DYNC1LI1: variants seen among roughly 807,000 people sequenced by gnomAD.
DYNC1LI1 encodes cytoplasmic dynein 1 light intermediate chain 1.
In DYNC1LI1, 19 loss-of-function variants were observed where a neutral mutation model predicts 63.8. The ratio of observed to expected loss-of-function variants is 0.30; its 90% confidence interval spans 0.21 to 0.44. DYNC1LI1 has a LOEUF of 0.44. Among genes scored for constraint, DYNC1LI1 ranks in the 20% least tolerant of loss-of-function variants. The pLI is 1.00. For synonymous variants in DYNC1LI1, 225 were observed against 232.3 expected (o/e 0.97, Z 0.28); for missense variants, 565 against 630.2 (o/e 0.90, Z 1.11).
At chr3:32,559,535 G>A (rs369317999) in intron 2 of DYNC1LI1, among the ~76,000 whole-genome samples, 11 of 152,100 alleles carry the variant, frequency 7.2e-5, no homozygotes, top group East Asian at 5.8e-4. Context: ...CACCATGCCC[G>A]GCCCAACTCC....
At chr3:32,563,522 CTT>C (rs1035357515) in intron 2 of DYNC1LI1, among the ~76,000 whole-genome samples, 4 of 152,104 alleles carry the variant, frequency 2.6e-5, no homozygotes, top group African/African-American at 9.7e-5. Context: ...GAACTCATGA[CTT>C]GAAGTAATCT....
At chr3:32,545,330 C>T in intron 3 of DYNC1LI1, 1 of 559,962 alleles carries the variant, frequency 1.8e-6, no homozygotes, top group Non-Finnish European at 3.2e-6. Flanking sequence ...TATCTAAAGG[C>T]CTAAAATGAC....
chr3:32,550,115 T>C (rs1356723213), intron 2 of DYNC1LI1, among the ~76,000 whole-genome samples: 10 of 152,174 alleles, frequency 6.6e-5, no homozygotes, highest in Admixed American at 2.6e-4. Context: ...CAGAACAGAT[T>C]TTGAGCCTGA....
chr3:32,545,351 C>T (rs926617421), intron 3 of DYNC1LI1: 25 of 526,950 alleles, frequency 4.7e-5, no homozygotes, highest in Admixed American at 1.4e-4. Flanking sequence ...TTAACTGTAG[C>T]ATCCTCTACT....
At chr3:32,560,657 T>C (rs148885029) in intron 2 of DYNC1LI1, among the ~76,000 whole-genome samples, 17 of 151,992 alleles carry the variant, frequency 1.1e-4, no homozygotes, top group African/African-American at 4.1e-4. Context: ...AAACAGAACT[T>C]ATCCTTAATC....
chr3:32,534,794 A>C (rs1205716982), intron 6 of DYNC1LI1, 148 bp from the exon 7 acceptor site: 2 of 514,158 alleles, frequency 3.9e-6, no homozygotes, highest in African/African-American at 4.0e-5. Context: ...AAGAACTTCA[A>C]AAGTAAAAAA....
At chr3:32,568,208 T>C (rs76167203) in intron 2 of DYNC1LI1, among the ~76,000 whole-genome samples, 2,957 of 152,230 alleles carry the variant, frequency 0.019, 40 homozygotes, top group South Asian at 0.041. Flanking sequence ...GGGTCAAGCA[T>C]CCTCCTGCCT....
chr3:32,562,425 G>A (rs1376645560), intron 2 of DYNC1LI1, among the ~76,000 whole-genome samples: 2 of 152,074 alleles, frequency 1.3e-5, no homozygotes, highest in African/African-American at 4.8e-5. Flanking sequence ...CTACAACCTT[G>A]GACTCCCAGG....
intron 7 of DYNC1LI1, among the ~76,000 whole-genome samples, chr3:32,533,636 G>C (rs1697734062): frequency 6.7e-6 from 1 of 150,046 alleles, no homozygotes; most frequent in African/African-American, 2.5e-5. Context: ...CTCAACCATG[G>C]CTCACTGCAG....
In DYNC1LI1 at chr3:32,537,121, A is replaced by T; in HGVS notation, c.739-17T>A. The T allele has an allele frequency of 7.6e-7, 1 of 1,316,060 alleles. No individual in the cohort carries two copies. The highest frequency in any genetic ancestry group is 1.1e-6 in the Non-Finnish European group (1 of 946,374). 81.5% of individuals were successfully genotyped at this position (1,316,060 alleles called of 1,614,324 possible). On this transcript the variant is annotated splice_polypyrimidine_tract_variant and intron_variant, in intron 5 of 12. Transcript: ENST00000273130. Reference sequence around the variant, plus strand: ...GGCATCACACTGTTAAGTTAAAATAATTAAAAATAATACATTTAAAATAAT... The same window carrying T: ...GGCATCACACTGTTAAGTTAAAATATTTAAAAATAATACATTTAAAATAAT...
chr3:32,546,953 A>G (rs1697963593), intron 2 of DYNC1LI1, among the ~76,000 whole-genome samples: 1 of 152,176 alleles, frequency 6.6e-6, no homozygotes, highest in Non-Finnish European at 1.5e-5. Context: ...GTTTAAAACT[A>G]GGCTAACTAG....
chr3:32,529,408 T>C, intron 11 of DYNC1LI1, 132 bp downstream of exon 11: 1 of 732,948 alleles, frequency 1.4e-6, no homozygotes, highest in Non-Finnish European at 2.0e-6. Flanking sequence ...TATGAGATTA[T>C]ATATCCATAG....
chr3:32,539,669 G>A (rs1166166338), intron 5 of DYNC1LI1, among the ~76,000 whole-genome samples: 1 of 151,454 alleles, frequency 6.6e-6, no homozygotes, highest in African/African-American at 2.4e-5. Context: ...CCGAGTAGCT[G>A]GGACTACAGG....
At chr3:32,529,991 C>T (rs575028663) in intron 10 of DYNC1LI1, among the ~76,000 whole-genome samples, 42 of 152,312 alleles carry the variant, frequency 2.8e-4, no homozygotes, top group African/African-American at 9.9e-4. Flanking sequence ...CAAGCCACAA[C>T]GTCCTCCCTA....
intron 5 of DYNC1LI1, among the ~76,000 whole-genome samples, chr3:32,537,940 ATATATATAAT>A (rs1559436194): frequency 1.9e-4 from 3 of 15,802 alleles, no homozygotes; most frequent in African/African-American, 1.2e-3. Flanking sequence ...TATATATAAT[ATATATATAAT>A]TTATATATAT....
At chr3:32,550,987 A>AT (rs1183730315) in intron 2 of DYNC1LI1, among the ~76,000 whole-genome samples, 1 of 151,692 alleles carries the variant, frequency 6.6e-6, no homozygotes, top group Non-Finnish European at 1.5e-5. Flanking sequence ...TGTAAAAAAA[A>AT]TTTTAACAGC....
At chr3:32,544,838 G>T in intron 4 of DYNC1LI1, 38 bp downstream of exon 4, 2 of 1,429,138 alleles carry the variant, frequency 1.4e-6, no homozygotes, top group South Asian at 2.3e-5. Flanking sequence ...AAGACATTTT[G>T]TATTTGAAAC....
At chr3:32,559,898 C>T (rs1283269839) in intron 2 of DYNC1LI1, among the ~76,000 whole-genome samples, 2 of 152,190 alleles carry the variant, frequency 1.3e-5, no homozygotes, top group East Asian at 3.8e-4. Context: ...CGTACATCTT[C>T]TGCATGGCCT....
rs113088362 is a variant in DYNC1LI1, at chr3:32,559,058, CTTT to C, written c.220+11285_220+11287del. 1.0e-3 allele frequency among the ~76,000 whole-genome samples: 141 copies of C among 141,680 alleles called. 1 individual carries two copies. The highest frequency in any genetic ancestry group is 3.5e-3 in the African/African-American group (133 of 38,334). 92.9% of individuals were successfully genotyped at this position (141,680 alleles called of 152,430 possible). ...GTACTATTATCATCCATTACTACTA[CTTT>C]TTTTTTTTTTTTTAAAGACAGAGTC... On this transcript the variant is annotated intron_variant, in intron 2 of 12. Coordinates refer to ENST00000273130, the MANE Select transcript of DYNC1LI1 (RefSeq NM_016141.4).
Sources: gnomAD v4.1 joint callset for allele counts (sites outside exome capture counted in the v4.1 genomes callset) on GRCh38, gnomAD v4.1.1 for gene constraint, MANE v1.5 for transcripts, NCBI Gene and HGNC (gene_info 2026-07-23, HGNC 2026-07-21) for gene names.